The following CENPC variants were observed in gnomAD, a reference collection of about 807,000 sequenced individuals.
The protein encoded by CENPC is CENP-C 1.
In CENPC, 63 loss-of-function variants were observed where a neutral mutation model predicts 112.1. The observed-to-expected ratio is 0.56, with a 90% CI of 0.46 to 0.69. The LOEUF (loss-of-function observed/expected upper bound fraction) is 0.69, where lower values mean the gene tolerates loss of function less well. CENPC is among the 30% of genes least tolerant of loss of function. The pLI, the probability that CENPC is intolerant of heterozygous loss-of-function variation, is 0.00. For synonymous variants in CENPC, 333 were observed against 367.6 expected, an observed-to-expected ratio of 0.91 and a Z score of 1.08; for missense variants, 1,000 against 1,103.8, an observed-to-expected ratio of 0.91 and a Z score of 1.33.
intron 8 of CENPC, 135 bp downstream of exon 8, chr4:67,513,937 GAA>G (rs1725970986): frequency 4.3e-6 from 3 of 700,708 alleles, no homozygotes; most frequent in Non-Finnish European, 4.3e-6. Context: ...AAAGGTTCTA[GAA>G]AAGAACCTAT....
chr4:67,530,940 A>C, intron 4 of CENPC, 26 bp from the exon 5 acceptor site: 1 of 1,209,022 alleles, frequency 8.3e-7, no homozygotes. Flanking sequence ...ATACAACATT[A>C]GAACTATTTT....
At chr4:67,536,446 G>A (rs553943801) in intron 4 of CENPC, among the ~76,000 whole-genome samples, 11 of 152,202 alleles carry the variant, frequency 7.2e-5, no homozygotes, top group African/African-American at 1.7e-4. Context: ...CATGAAGCTC[G>A]GTTGTGTTTC....
intron 15 of CENPC, 109 bp downstream of exon 15, chr4:67,492,760 T>C: frequency 1.5e-6 from 2 of 1,360,574 alleles, no homozygotes; most frequent in Non-Finnish European, 1.9e-6. Flanking sequence ...CCTATGGTAT[T>C]ATTTCTGAAG....
At chr4:67,490,773 T>C (rs1477961974) in intron 16 of CENPC, among the ~76,000 whole-genome samples, 1 of 149,666 alleles carries the variant, frequency 6.7e-6, no homozygotes, top group African/African-American at 2.4e-5. Flanking sequence ...CATCAATGTC[T>C]GATTCTGTTT....
intron 4 of CENPC, among the ~76,000 whole-genome samples, chr4:67,531,198 ATAAAT>A (rs917879769): frequency 1.2e-4 from 18 of 152,188 alleles, no homozygotes; most frequent in African/African-American, 3.6e-4. Context: ...TATTAAATAA[ATAAAT>A]TATAGTATAG....
At chr4:67,474,696 T>G in intron 18 of CENPC, 192 bp downstream of exon 18, 1 of 520,320 alleles carries the variant, frequency 1.9e-6, no homozygotes. Flanking sequence ...AGACTCTGTC[T>G]CAAAAACAAA....
At position 67,514,195 on chromosome 4, in the gene CENPC, A is replaced by C; in HGVS notation, c.1323T>G (p.Asp441Glu). Residue 441 changes from aspartate (D) to glutamate (E), a missense_variant, in exon 8 of 19, where the codon GAT becomes GAG. Transcript: ENST00000273853. ...TAATATGTGATGTATGTATGTTTTC[A>C]TCTTTAGACTGTCCCACATCAAGCT... The part of the protein sequence containing the change: ...EEQLDVGQSK[D>E]ENIHTSHITQ... The C allele has an allele frequency of 6.2e-7, 1 of 1,613,002 alleles. No individual in the cohort carries two copies. Among genetic ancestry groups the C allele is most frequent in the East Asian group, 2.2e-5 (1 of 44,794 alleles).
At chr4:67,519,537 A>G in intron 5 of CENPC, 35 bp from the exon 6 acceptor site, 1 of 1,322,906 alleles carries the variant, frequency 7.6e-7, no homozygotes, top group South Asian at 1.8e-5. Context: ...TTTGTCAATT[A>G]AAAGAATAAT....
chr4:67,489,422 A>G (rs540613273), intron 17 of CENPC, among the ~76,000 whole-genome samples: 148 of 151,962 alleles, frequency 9.7e-4, no homozygotes, highest in African/African-American at 3.4e-3. Flanking sequence ...CTTAGTCCTG[A>G]GTCTATGTCT....
chr4:67,485,391 A>G (rs191753359), intron 17 of CENPC, among the ~76,000 whole-genome samples: 1 of 152,226 alleles, frequency 6.6e-6, no homozygotes, highest in Non-Finnish European at 1.5e-5. Flanking sequence ...AATAAACAGC[A>G]TAAGGCCTTC....
At position 67,505,259 on chromosome 4, in the gene CENPC, A is replaced by T. The variant is rs201011714; in HGVS notation, c.2077T>A (p.Tyr693Asn). The change falls in exon 12 of 19, where the codon TAT becomes AAT. Residue 693 changes from tyrosine (Y) to asparagine (N), a missense_variant. By Grantham distance (143) the Tyr-to-Asn change is moderately radical. Coordinates refer to ENST00000273853, the MANE Select transcript of CENPC (RefSeq NM_001812.4). ...ESGPSRLNNN[Y>N]LMSGKNDVDD... Reference sequence around the variant, plus strand: ...ACATCATTCTTTCCAGACATTAAATAATTATTATTGAGCCTGGAAGGTCCA... The same window carrying T: ...ACATCATTCTTTCCAGACATTAAATTATTATTATTGAGCCTGGAAGGTCCA... 7.6e-4 allele frequency: 1,197 copies of T among 1,576,862 alleles called. 1 individual carries two copies. Among genetic ancestry groups the T allele is most frequent in the Non-Finnish European group, 7.7e-4 (893 of 1,161,738 alleles).
At chr4:67,490,369 T>C (rs779015773) in intron 16 of CENPC, among the ~76,000 whole-genome samples, 14 of 152,030 alleles carry the variant, frequency 9.2e-5, no homozygotes, top group Admixed American at 3.9e-4. Context: ...TCGATAAAAT[T>C]AAATAATAAT....
chr4:67,501,060 C>T (rs552907706), intron 12 of CENPC, among the ~76,000 whole-genome samples: 2 of 152,256 alleles, frequency 1.3e-5, no homozygotes, highest in African/African-American at 4.8e-5. Flanking sequence ...GTAATCCCAG[C>T]GCTTTGGGAG....
At chr4:67,534,493 C>T (rs969037669) in intron 4 of CENPC, among the ~76,000 whole-genome samples, 4 of 152,154 alleles carry the variant, frequency 2.6e-5, no homozygotes, top group Admixed American at 1.3e-4. Flanking sequence ...ATCAGAGAGA[C>T]TGTGATATTA....
chr4:67,487,494 T>G (rs1725125719), intron 17 of CENPC, among the ~76,000 whole-genome samples: 2 of 151,874 alleles, frequency 1.3e-5, no homozygotes, highest in South Asian at 4.2e-4. Context: ...GATTAGTAGT[T>G]TGCTATCGAT....
chr4:67,496,764 G>A (rs1483508673), intron 12 of CENPC, among the ~76,000 whole-genome samples: 1 of 152,078 alleles, frequency 6.6e-6, no homozygotes, highest in Non-Finnish European at 1.5e-5. Flanking sequence ...CTTTTTGGGG[G>A]TTATGAAAAG....
Position 67,541,812 on chromosome 4 carries a change from T to A in CENPC, c.66-762A>T, listed in dbSNP as rs772527316. 2.0e-5 allele frequency among the ~76,000 whole-genome samples: 3 copies of A among 152,182 alleles called. No individual in the cohort carries two copies. In the East Asian group the frequency reaches 5.8e-4, roughly 29 times the overall value. ...ATCACAAAGATCCTCTATTGTCCTT[T>A]TGTAATCATAACCACCTTTCTCTCA... On this transcript the variant is annotated intron_variant, in intron 2 of 18. Transcript: ENST00000273853.
chr4:67,508,727 A>T, intron 10 of CENPC, 87 bp downstream of exon 10: 2 of 1,227,660 alleles, frequency 1.6e-6, no homozygotes, highest in Non-Finnish European at 2.3e-6. Context: ...CATGCTAATT[A>T]CTGCCTGTCC....
intron 11 of CENPC, among the ~76,000 whole-genome samples, chr4:67,505,644 T>C (rs1352578374): frequency 6.6e-6 from 1 of 152,216 alleles, no homozygotes; most frequent in Non-Finnish European, 1.5e-5. Context: ...TTTTTATTTG[T>C]ATTATTTTAA....
Sources: allele counts gnomAD v4.1 joint callset (sites outside exome capture counted in the v4.1 genomes callset), GRCh38; gene constraint gnomAD v4.1.1; transcripts MANE v1.5; gene names NCBI Gene and HGNC (gene_info 2026-07-23, HGNC 2026-07-21).